GPHN: variants seen among roughly 807,000 people sequenced by gnomAD.
The protein encoded by GPHN is gephyrin.
GPHN carries 17 observed loss-of-function variants against 95.5 expected under a neutral mutation model. The observed-to-expected ratio is 0.18, with a 90% CI of 0.12 to 0.27. The LOEUF is 0.27. GPHN is among the 10% of genes least tolerant of loss of function. The pLI, the probability that GPHN is intolerant of heterozygous loss-of-function variation, is 1.00. For missense variants in GPHN, 660 were observed against 978.1 expected (o/e 0.67, Z 4.34); for synonymous variants, 320 against 322.5 (o/e 0.99, Z 0.08).
At chr14:67,484,585 G>A in the GPHN span, among the ~76,000 whole-genome samples, 2 of 152,002 alleles carry the variant, frequency 1.3e-5, no homozygotes, top group Non-Finnish European at 2.9e-5. Flanking sequence ...GTAGTCATCC[G>A]GATTCAATTT....
At chr14:67,617,368 C>T in the GPHN span, 1 of 152,178 alleles carries the variant, frequency 6.6e-6, no homozygotes, top group Admixed American at 6.5e-5. Context: ...CCATCTGTAA[C>T]TGACTGTGAC....
chr14:67,223,630 T>C, the GPHN span: 3 of 737,620 alleles, frequency 4.1e-6, no homozygotes, highest in Non-Finnish European at 5.0e-6. Flanking sequence ...GTGGCACAAC[T>C]TACAAAATGG....
the GPHN span, among the ~76,000 whole-genome samples, chr14:67,674,217 C>A: frequency 6.6e-6 from 1 of 152,238 alleles, no homozygotes; most frequent in Non-Finnish European, 1.5e-5. Context: ...TCAGTGGCAG[C>A]AGGGAGACCT....
chr14:67,698,761 G>A, the GPHN span, among the ~76,000 whole-genome samples: 4 of 152,208 alleles, frequency 2.6e-5, no homozygotes, highest in East Asian at 5.8e-4. Context: ...GCAGCTACTC[G>A]ACTCTGCTGT....
At chr14:66,648,935 C>T (rs1453163297) in intron 1 of GPHN, among the ~76,000 whole-genome samples, 3 of 152,180 alleles carry the variant, frequency 2.0e-5, no homozygotes, top group African/African-American at 7.2e-5. Flanking sequence ...AATACTGAGA[C>T]AAACCCAGAG....
chr14:67,065,364 A>G (rs1338788501), intron 11 of GPHN, among the ~76,000 whole-genome samples: 2 of 152,122 alleles, frequency 1.3e-5, no homozygotes, highest in Non-Finnish European at 2.9e-5. Context: ...TATGTTGTCA[A>G]TTTTAGAATA....
At chr14:66,971,185 A>G (rs967039667) in intron 9 of GPHN, among the ~76,000 whole-genome samples, 7 of 152,176 alleles carry the variant, frequency 4.6e-5, no homozygotes, top group African/African-American at 1.7e-4. Context: ...AGAATTAGCC[A>G]GGCGCGTTGG....
intron 8 of GPHN, among the ~76,000 whole-genome samples, chr14:66,961,900 G>GTGTATATATATATATATATA (rs1177915817): frequency 5.7e-5 from 3 of 52,958 alleles, no homozygotes; most frequent in Admixed American, 2.2e-4. Flanking sequence ...CCCTGAATGT[G>GTGTATATATATATATATATA]TATATATATA....
At chr14:66,830,774 G>T (rs2061552181) in intron 4 of GPHN, among the ~76,000 whole-genome samples, 1 of 151,990 alleles carries the variant, frequency 6.6e-6, no homozygotes, top group Non-Finnish European at 1.5e-5. Flanking sequence ...ACTACTTTTA[G>T]GTTGCTTTGG....
At chr14:66,571,478 A>C (rs1217710676) in intron 1 of GPHN, among the ~76,000 whole-genome samples, 1 of 152,056 alleles carries the variant, frequency 6.6e-6, no homozygotes, top group East Asian at 1.9e-4. Context: ...GCTGGGCAAA[A>C]GACTTTTAGT....
At chr14:66,856,871 T>C (rs1274224421) in intron 4 of GPHN, among the ~76,000 whole-genome samples, 1 of 152,126 alleles carries the variant, frequency 6.6e-6, no homozygotes, top group African/African-American at 2.4e-5. Context: ...TATATGGTCA[T>C]CTTGATGTAT....
the GPHN span, among the ~76,000 whole-genome samples, chr14:67,318,977 G>C: frequency 6.6e-6 from 1 of 151,846 alleles, no homozygotes; most frequent in East Asian, 1.9e-4. Flanking sequence ...AGAATGGCGT[G>C]AACCCGGGAG....
chr14:66,996,280 A>C, intron 9 of GPHN: 70 of 1,069,216 alleles, frequency 6.5e-5, no homozygotes, highest in Non-Finnish European at 8.3e-5. Context: ...CATTTTTCTC[A>C]TTTTATTTTC....
chr14:67,457,265 C>A, the GPHN span, among the ~76,000 whole-genome samples: 1 of 152,034 alleles, frequency 6.6e-6, no homozygotes, highest in Non-Finnish European at 1.5e-5. Flanking sequence ...GCACATATAC[C>A]CTTCAACAAT....
intron 2 of GPHN, among the ~76,000 whole-genome samples, chr14:66,774,898 CATT>C (rs1012464077): frequency 1.7e-4 from 26 of 152,254 alleles, no homozygotes; most frequent in Admixed American, 1.4e-3. Context: ...AAATTTCAAA[CATT>C]GTTGTCTTGT....
chr14:66,845,819 C>CTGTGTGTGTGTGTGTGTGTGTGTG (rs367997271), intron 4 of GPHN, among the ~76,000 whole-genome samples: 3 of 143,300 alleles, frequency 2.1e-5, no homozygotes, highest in African/African-American at 5.1e-5. Flanking sequence ...ATACATGCCT[C>CTGTGTGTGTGTGTGTGTGTGTGTG]TGTGTGTGTG....
intron 4 of GPHN, among the ~76,000 whole-genome samples, chr14:66,859,340 T>A (rs894266141): frequency 1.3e-5 from 2 of 152,106 alleles, no homozygotes; most frequent in African/African-American, 4.8e-5. Context: ...TGGGAGAAAA[T>A]AAGAGAAGAG....
the GPHN span, among the ~76,000 whole-genome samples, chr14:67,609,905 CCTG>C: frequency 1.5e-5 from 1 of 67,790 alleles, no homozygotes; most frequent in African/African-American, 9.8e-5. Flanking sequence ...GCACAAGGCT[CCTG>C]TCCTGGAAAC....
chr14:66,998,387 T>A (rs1428644689), intron 9 of GPHN, among the ~76,000 whole-genome samples: 1 of 152,196 alleles, frequency 6.6e-6, no homozygotes, highest in Non-Finnish European at 1.5e-5. Context: ...AAGAACTCCT[T>A]AAGTAATATT....
Sources: allele counts gnomAD v4.1 joint callset (sites outside exome capture counted in the v4.1 genomes callset), GRCh38; gene constraint gnomAD v4.1.1; transcripts MANE v1.5; gene names NCBI Gene and HGNC (gene_info 2026-07-23, HGNC 2026-07-21).